Variants in SLC9A9 observed in about 807,000 individuals in gnomAD.
SLC9A9 encodes the protein sodium/hydrogen exchanger 9.
Under a neutral mutation model 77.8 loss-of-function variants are expected in SLC9A9, and 62 were observed. The observed-to-expected ratio is 0.80, with a 90% CI of 0.65 to 0.98. The LOEUF (loss-of-function observed/expected upper bound fraction) is 0.98, where lower values mean the gene tolerates loss of function less well. Ranked by LOEUF, SLC9A9 falls within the 50% of genes least tolerant of loss-of-function variation. SLC9A9 has a pLI of 0.00. For synonymous variants in SLC9A9, 320 were observed against 283.5 expected (o/e 1.13, Z -1.29); for missense variants, 775 against 774.9 (o/e 1.00, Z 0.00).
intron 12 of SLC9A9, among the ~76,000 whole-genome samples, chr3:143,438,235 T>C (rs748017325): frequency 1.3e-5 from 2 of 152,208 alleles, no homozygotes; most frequent in Non-Finnish European, 1.5e-5. Flanking sequence ...TGGTAGTTGA[T>C]TCTATTGCCT....
intron 4 of SLC9A9, among the ~76,000 whole-genome samples, chr3:143,738,689 C>T (rs1023818383): frequency 3.3e-5 from 5 of 152,146 alleles, no homozygotes; most frequent in African/African-American, 2.4e-5. Flanking sequence ...TTCCAAGACC[C>T]AGGACACTTG....
chr3:143,837,504 T>C (rs141936810), intron 1 of SLC9A9, among the ~76,000 whole-genome samples: 1 of 152,176 alleles, frequency 6.6e-6, no homozygotes, highest in Non-Finnish European at 1.5e-5. Flanking sequence ...TTCTCTAAAA[T>C]AAGAAGATAT....
At position 143,425,526 on chromosome 3, in the gene SLC9A9, G is replaced by T. The variant is rs1385104501; in HGVS notation, c.1469+41511C>A. ...GGAATGGAAATATAGACAGCACTTTGATGTGGACTCTTTACATTTATTCCT... is the reference window on the plus strand; with the variant it reads ...GGAATGGAAATATAGACAGCACTTTTATGTGGACTCTTTACATTTATTCCT... On this transcript the variant is annotated intron_variant, in intron 12 of 15. Coordinates refer to ENST00000316549, the MANE Select transcript of SLC9A9 (RefSeq NM_173653.4). Among the ~76,000 whole-genome samples the T allele has an allele frequency of 2.0e-5, 3 of 152,254 alleles. No individual in the cohort carries two copies. The East Asian group carries it at 5.8e-4, about 29-fold the overall frequency.
chr3:143,553,021 C>G (rs1294709527), intron 8 of SLC9A9, among the ~76,000 whole-genome samples: 5 of 152,304 alleles, frequency 3.3e-5, no homozygotes, highest in Non-Finnish European at 5.9e-5. Flanking sequence ...TTCTCCTGTG[C>G]CTCTTTGGAA....
chr3:143,752,081 G>T (rs1438453384), intron 4 of SLC9A9, among the ~76,000 whole-genome samples: 2 of 152,194 alleles, frequency 1.3e-5, no homozygotes, highest in African/African-American at 4.8e-5. Flanking sequence ...CTTCAAAGTA[G>T]ACTTACTTCA....
intron 12 of SLC9A9, among the ~76,000 whole-genome samples, chr3:143,445,192 G>C (rs933598507): frequency 1.3e-5 from 2 of 152,176 alleles, no homozygotes; most frequent in African/African-American, 4.8e-5. Flanking sequence ...TCACTCTGCT[G>C]TTGTAGACCA....
At chr3:143,491,124 A>T (rs2035737433) in intron 11 of SLC9A9, among the ~76,000 whole-genome samples, 1 of 152,184 alleles carries the variant, frequency 6.6e-6, no homozygotes, top group African/African-American at 2.4e-5. Context: ...ATGCCAGCAG[A>T]TGATATGGAT....
chr3:143,726,317 C>T lies in SLC9A9; in HGVS notation c.534-33010G>A, dbSNP rs114047698. The stretch of plus-strand genomic sequence containing the variant: ...TGATGGCCAGGGGAAGGGAAACTAA[C>T]TGCAAATGGGCTCCAAGGAGATTCT... On this transcript the variant is annotated intron_variant, in intron 4 of 15. Transcript: ENST00000316549. Among the ~76,000 whole-genome samples, 1,072 of 149,894 alleles carry T rather than the reference C, an allele frequency of 7.2e-3. 13 individuals carry two copies. The highest frequency in any genetic ancestry group is 0.025 in the African/African-American group (1,005 of 40,790).
chr3:143,567,663 C>A (rs1178502905), intron 8 of SLC9A9, among the ~76,000 whole-genome samples: 1 of 152,110 alleles, frequency 6.6e-6, no homozygotes, highest in Non-Finnish European at 1.5e-5. Flanking sequence ...GATGAGGTGG[C>A]TGCAAATGTG....
chr3:143,511,491 G>T lies in SLC9A9; in HGVS notation c.1090-16043C>A, dbSNP rs115493795. Among the ~76,000 whole-genome samples, 478 of 152,316 alleles carry T rather than the reference G, an allele frequency of 3.1e-3. 7 individuals are homozygous for T. Among genetic ancestry groups the T allele is most frequent in the African/African-American group, 0.011 (462 of 41,586 alleles). On this transcript the variant is annotated intron_variant, in intron 9 of 15. Transcript: ENST00000316549. ...ATTCTTTTTTGAAGTTGGAATTGCTGATTGAGAATGATAAATGGTATTGAG... is the reference window on the plus strand; with the variant it reads ...ATTCTTTTTTGAAGTTGGAATTGCTTATTGAGAATGATAAATGGTATTGAG...
At chr3:143,321,027 G>A (rs2031401091) in intron 14 of SLC9A9, among the ~76,000 whole-genome samples, 1 of 152,174 alleles carries the variant, frequency 6.6e-6, no homozygotes, top group Non-Finnish European at 1.5e-5. Flanking sequence ...CAGGCTAGAA[G>A]AGGCAAGGAA....
intron 12 of SLC9A9, among the ~76,000 whole-genome samples, chr3:143,400,087 T>C (rs1366763411): frequency 1.3e-5 from 2 of 152,172 alleles, no homozygotes; most frequent in Non-Finnish European, 2.9e-5. Context: ...CCACTGATTA[T>C]GAGACACATC....
At chr3:143,750,733 CTATA>C (rs35370580) in intron 4 of SLC9A9, among the ~76,000 whole-genome samples, 37 of 146,498 alleles carry the variant, frequency 2.5e-4, no homozygotes, top group East Asian at 1.2e-3. Flanking sequence ...AAATATATAT[CTATA>C]TATATATATA....
At chr3:143,681,923 C>T (rs1933111632) in intron 5 of SLC9A9, among the ~76,000 whole-genome samples, 1 of 152,174 alleles carries the variant, frequency 6.6e-6, no homozygotes, top group Admixed American at 6.6e-5. Context: ...TTCACTCATG[C>T]AGGCTAATGT....
At chr3:143,458,453 C>T (rs1169157363) in intron 12 of SLC9A9, among the ~76,000 whole-genome samples, 1 of 151,982 alleles carries the variant, frequency 6.6e-6, no homozygotes, top group African/African-American at 2.4e-5. Flanking sequence ...GTATTTAGAT[C>T]TATCATTTTA....
At chr3:143,524,591 C>T (rs751144870) in intron 9 of SLC9A9, among the ~76,000 whole-genome samples, 20 of 152,154 alleles carry the variant, frequency 1.3e-4, no homozygotes, top group Non-Finnish European at 2.9e-4. Flanking sequence ...TTAATCTACA[C>T]TAAATCATTC....
chr3:143,673,514 C>T (rs1307528817), intron 5 of SLC9A9, among the ~76,000 whole-genome samples: 1 of 112,196 alleles, frequency 8.9e-6, no homozygotes, highest in Non-Finnish European at 1.7e-5. Flanking sequence ...AATACCAATC[C>T]AAATACAAAT....
chr3:143,583,456 T>C (rs2037489763), intron 6 of SLC9A9, among the ~76,000 whole-genome samples: 1 of 152,226 alleles, frequency 6.6e-6, no homozygotes, highest in Non-Finnish European at 1.5e-5. Context: ...CAACTCATCT[T>C]TTCTTCTATA....
chr3:143,766,587 T>C (rs968341140), intron 4 of SLC9A9, among the ~76,000 whole-genome samples: 7 of 151,726 alleles, frequency 4.6e-5, no homozygotes, highest in Non-Finnish European at 8.8e-5. Context: ...TTTTTGTTTT[T>C]GAGACACAGT....
Sources: allele counts gnomAD v4.1 joint callset (sites outside exome capture counted in the v4.1 genomes callset), GRCh38; gene constraint gnomAD v4.1.1; transcripts MANE v1.5; gene names NCBI Gene and HGNC (gene_info 2026-07-23, HGNC 2026-07-21).